AFF3: variants seen among roughly 807,000 people sequenced by gnomAD.
AFF3 encodes the protein ALF transcription elongation factor 3.
Under a neutral mutation model 129.7 loss-of-function variants are expected in AFF3, and 32 were observed. The observed-to-expected ratio is 0.25, with a 90% confidence interval of 0.19 to 0.33. The LOEUF is 0.33. AFF3 is among the 10% of genes least tolerant of loss of function. The probability of loss-of-function intolerance (pLI) is 1.00; values close to 1 mark genes in which losing one functional copy is unlikely to be tolerated. For missense variants in AFF3, 1,373 were observed against 1,592.0 expected, an observed-to-expected ratio of 0.86 and a Z score of 2.34; for synonymous variants, 644 against 635.4, an observed-to-expected ratio of 1.01 and a Z score of -0.20.
chr2:99,778,901 T>C (rs776917350), intron 8 of AFF3, among the ~76,000 whole-genome samples: 802 of 5,704 alleles, frequency 0.14, 1 homozygote, highest in African/African-American at 0.21. Context: ...TGTGCGCGTG[T>C]GTGTGTGTGT....
intron 4 of AFF3, among the ~76,000 whole-genome samples, chr2:100,035,173 T>C (rs1684804073): frequency 6.6e-6 from 1 of 152,246 alleles, no homozygotes; most frequent in South Asian, 2.1e-4. Context: ...ATGCACAAAG[T>C]GGCACATGCT....
chr2:99,999,951 G>C (rs569932244), intron 7 of AFF3, among the ~76,000 whole-genome samples: 2 of 152,250 alleles, frequency 1.3e-5, no homozygotes, highest in South Asian at 4.1e-4. Context: ...CCCACCCTTT[G>C]GTCAGAACAG....
chr2:99,556,872 C>T (rs755197293), intron 22 of AFF3, among the ~76,000 whole-genome samples: 5 of 150,728 alleles, frequency 3.3e-5, no homozygotes, highest in South Asian at 4.2e-4. Flanking sequence ...CAGTGAGCTC[C>T]GACTGTACCA....
chr2:99,911,630 A>G (rs1206107732), intron 7 of AFF3, among the ~76,000 whole-genome samples: 1 of 152,196 alleles, frequency 6.6e-6, no homozygotes, highest in Non-Finnish European at 1.5e-5. Flanking sequence ...TATTATTTGC[A>G]AAATGGTCCT....
chr2:99,961,821 A>C (rs777932829), intron 7 of AFF3, among the ~76,000 whole-genome samples: 27 of 152,348 alleles, frequency 1.8e-4, no homozygotes, highest in Middle Eastern at 3.4e-3. Flanking sequence ...CAGTCCCGGT[A>C]AGTGCATTCC....
intron 7 of AFF3, among the ~76,000 whole-genome samples, chr2:99,845,335 C>T (rs75169672): frequency 0.011 from 1,740 of 152,186 alleles, 36 homozygotes; most frequent in African/African-American, 0.04. Flanking sequence ...CAGAAATTAG[C>T]GATCTGAATC....
At position 99,587,932 on chromosome 2, in the gene AFF3, C is replaced by G. The variant is rs1678293534; in HGVS notation, c.2467-654G>C. Among the ~76,000 whole-genome samples, 5 of 151,810 alleles carry G rather than the reference C, an allele frequency of 3.3e-5. No homozygotes were observed. The South Asian group carries it at 6.2e-4, about 19-fold the overall frequency. On this transcript the variant is annotated intron_variant, in intron 15 of 24. Coordinates refer to ENST00000672756, the MANE Select transcript of AFF3 (RefSeq NM_001386135.1). ...GGCTGAGGCAGGAGAATCGCTTGAACCTGGGAGGCAGAGATTTAAGTGAGC... is the reference window on the plus strand; with the variant it reads ...GGCTGAGGCAGGAGAATCGCTTGAAGCTGGGAGGCAGAGATTTAAGTGAGC...
intron 7 of AFF3, among the ~76,000 whole-genome samples, chr2:99,844,715 A>G (rs547696073): frequency 6.6e-6 from 1 of 152,036 alleles, no homozygotes; most frequent in African/African-American, 2.4e-5. Context: ...GATTACAGGC[A>G]TGAGCCAGCA....
intron 7 of AFF3, among the ~76,000 whole-genome samples, chr2:99,954,822 G>A (rs924354541): frequency 6.0e-5 from 9 of 150,110 alleles, no homozygotes; most frequent in Admixed American, 2.7e-4. Flanking sequence ...GCTAAATGAC[G>A]AGTTAATGGG....
chr2:99,581,700 T>C lies in AFF3; in HGVS notation c.2793+1098A>G, dbSNP rs139264855. 1.8e-3 allele frequency among the ~76,000 whole-genome samples: 275 copies of C among 150,520 alleles called. 7 individuals are homozygous for C. In the East Asian group the frequency reaches 0.046, roughly 25 times the overall value. On this transcript the variant is annotated intron_variant, in intron 17 of 24. Transcript: ENST00000672756. ...CGCTTGGCCACCCAGCTGGTTGTGA[T>C]AGGCACAGTGATTATGACAGGGGAG...
chr2:99,759,489 C>T (rs1242546315), intron 8 of AFF3, among the ~76,000 whole-genome samples: 1 of 152,114 alleles, frequency 6.6e-6, no homozygotes, highest in Non-Finnish European at 1.5e-5. Flanking sequence ...AGTAAGTGCT[C>T]TATATAAACT....
At chr2:99,567,974 T>C (rs962094109) in intron 19 of AFF3, among the ~76,000 whole-genome samples, 1 of 152,178 alleles carries the variant, frequency 6.6e-6, no homozygotes, top group Non-Finnish European at 1.5e-5. Flanking sequence ...TCCGCTGCCC[T>C]CCTCTATTTT....
intron 8 of AFF3, among the ~76,000 whole-genome samples, chr2:99,781,538 G>T (rs1684408704): frequency 6.6e-6 from 1 of 152,220 alleles, no homozygotes; most frequent in Admixed American, 6.5e-5. Flanking sequence ...CTGGAACACA[G>T]CCACACCACT....
chr2:99,913,152 G>A (rs1359103983), intron 7 of AFF3, among the ~76,000 whole-genome samples: 1 of 152,148 alleles, frequency 6.6e-6, no homozygotes, highest in Non-Finnish European at 1.5e-5. Flanking sequence ...GTCTTATTCA[G>A]CTATAGCCCC....
At chr2:99,586,711 C>A (rs1187867252) in intron 16 of AFF3, among the ~76,000 whole-genome samples, 1 of 152,108 alleles carries the variant, frequency 6.6e-6, no homozygotes, top group East Asian at 1.9e-4. Context: ...GAGCACGGAC[C>A]CTTCTAAGGC....
At chr2:100,038,340 C>G (rs1402314142) in intron 4 of AFF3, among the ~76,000 whole-genome samples, 1 of 150,182 alleles carries the variant, frequency 6.7e-6, no homozygotes, top group Non-Finnish European at 1.5e-5. Flanking sequence ...AGCCTTCCAG[C>G]AACAATCAAG....
intron 4 of AFF3, among the ~76,000 whole-genome samples, chr2:100,070,912 C>T (rs151127396): frequency 2.6e-5 from 4 of 152,130 alleles, no homozygotes; most frequent in East Asian, 3.9e-4. Flanking sequence ...AGTGAACTTG[C>T]GTGATAATTT....
intron 7 of AFF3, among the ~76,000 whole-genome samples, chr2:99,961,011 T>C (rs1372283685): frequency 6.6e-6 from 1 of 152,174 alleles, no homozygotes; most frequent in African/African-American, 2.4e-5. Flanking sequence ...TGCTATCTGT[T>C]TTCTCAAAAC....
chr2:100,056,128 A>C (rs2105186520), intron 4 of AFF3, among the ~76,000 whole-genome samples: 1 of 150,894 alleles, frequency 6.6e-6, no homozygotes, highest in Non-Finnish European at 1.5e-5. Context: ...GCAAATATAA[A>C]CTCATCAAAC....
Sources: allele counts gnomAD v4.1 joint callset (sites outside exome capture counted in the v4.1 genomes callset), GRCh38; gene constraint gnomAD v4.1.1; transcripts MANE v1.5; gene names NCBI Gene and HGNC (gene_info 2026-07-23, HGNC 2026-07-21).